NAALADL2: variants seen among roughly 807,000 people sequenced by gnomAD.
NAALADL2 encodes the protein inactive N-acetylated-alpha-linked acidic dipeptidase-like protein 2.
In NAALADL2, 76 loss-of-function variants were observed where a neutral mutation model predicts 87.2. The observed-to-expected ratio is 0.87, with a 90% CI of 0.72 to 1.05. NAALADL2 has a LOEUF of 1.05. Ranked by LOEUF, NAALADL2 falls within the 50% of genes least tolerant of loss-of-function variation. The pLI, the probability that NAALADL2 is intolerant of heterozygous loss-of-function variation, is 0.00. For synonymous variants in NAALADL2, 354 were observed against 331.0 expected, an observed-to-expected ratio of 1.07 and a Z score of -0.75; for missense variants, 1,089 against 945.8, an observed-to-expected ratio of 1.15 and a Z score of -1.99.
intron 2 of NAALADL2, among the ~76,000 whole-genome samples, chr3:174,639,705 C>T (rs1030213568): frequency 2.6e-5 from 4 of 152,040 alleles, no homozygotes; most frequent in Admixed American, 6.6e-5. Flanking sequence ...CATGTACCTC[C>T]GAAAAGAATT....
intron 4 of NAALADL2, among the ~76,000 whole-genome samples, chr3:175,263,496 A>C (rs1430864298): frequency 6.6e-6 from 1 of 151,916 alleles, no homozygotes; most frequent in Non-Finnish European, 1.5e-5. Context: ...TGCCTACATG[A>C]AAATATAATT....
At chr3:175,076,237 G>A (rs1244090650) in intron 1 of NAALADL2, among the ~76,000 whole-genome samples, 1 of 151,304 alleles carries the variant, frequency 6.6e-6, no homozygotes, top group African/African-American at 2.4e-5. Context: ...TCAAAACAAT[G>A]AAAATGAAAA....
intron 1 of NAALADL2, among the ~76,000 whole-genome samples, chr3:174,955,882 A>C (rs1045066640): frequency 1.3e-5 from 2 of 152,026 alleles, no homozygotes; most frequent in African/African-American, 4.8e-5. Context: ...CCCAGATGAC[A>C]CTAGTGATAC....
rs756841159 is a variant in NAALADL2 at position 175,097,149 on chromosome 3, T to G, written c.403T>G (p.Leu135Val). ...VLKILCTATI[L>V]FIFGILIGYY... ...AAAAATACTTTGCACAGCCACCATTTTATTTATTTTTGGGATTTTGATAGG... is the reference window on the plus strand; with the variant it reads ...AAAAATACTTTGCACAGCCACCATTGTATTTATTTTTGGGATTTTGATAGG... The change falls in exon 2 of 14, where the codon TTA becomes GTA. Residue 135 changes from leucine (L) to valine (V), a missense_variant. Physicochemically the swap from Leu to Val is conservative, Grantham distance 32. Coordinates refer to ENST00000454872, the MANE Select transcript of NAALADL2 (RefSeq NM_207015.3). 22 of 1,613,672 alleles carry G rather than the reference T, an allele frequency of 1.4e-5. No individual in the cohort carries two copies. Among genetic ancestry groups the G allele is most frequent in the Non-Finnish European group, 1.9e-5 (22 of 1,179,730 alleles).
At chr3:174,676,224 T>C (rs1727019853) in intron 2 of NAALADL2, among the ~76,000 whole-genome samples, 2 of 152,030 alleles carry the variant, frequency 1.3e-5, no homozygotes, top group Non-Finnish European at 2.9e-5. Flanking sequence ...CTAAATGAAA[T>C]CTTCGATGAT....
intron 4 of NAALADL2, among the ~76,000 whole-genome samples, chr3:175,304,956 T>C (rs143606840): frequency 6.6e-6 from 1 of 152,304 alleles, no homozygotes; most frequent in East Asian, 1.9e-4. Flanking sequence ...ATGTAAACTA[T>C]ACGTGAACTA....
intron 9 of NAALADL2, among the ~76,000 whole-genome samples, chr3:175,553,898 A>G (rs1234746251): frequency 6.6e-6 from 1 of 152,126 alleles, no homozygotes; most frequent in East Asian, 1.9e-4. Context: ...AGGGGCTTTT[A>G]TGGAGTATGC....
intron 1 of NAALADL2, among the ~76,000 whole-genome samples, chr3:175,068,619 G>C (rs1313984097): frequency 6.6e-6 from 1 of 152,078 alleles, no homozygotes; most frequent in African/African-American, 2.4e-5. Flanking sequence ...CTTAGGTCTT[G>C]CTATCAAGTT....
intron 3 of NAALADL2, among the ~76,000 whole-genome samples, chr3:174,807,126 T>A (rs1515617): frequency 0.19 from 28,227 of 152,112 alleles, 2,880 homozygotes; most frequent in East Asian, 0.35. Context: ...GATTTGAAAT[T>A]TTATTAGCTC....
chr3:175,522,037 T>C (rs1170946359), intron 9 of NAALADL2, among the ~76,000 whole-genome samples: 1 of 152,172 alleles, frequency 6.6e-6, no homozygotes, highest in East Asian at 1.9e-4. Context: ...GTCTTTCCCA[T>C]ATTATTTTCC....
chr3:174,893,338 G>C (rs1579398619), intron 1 of NAALADL2, among the ~76,000 whole-genome samples: 1 of 149,776 alleles, frequency 6.7e-6, no homozygotes, highest in Non-Finnish European at 1.5e-5. Flanking sequence ...TTATTATTGA[G>C]CAATAAATAA....
At chr3:175,775,742 T>C (rs1170185071) in intron 13 of NAALADL2, among the ~76,000 whole-genome samples, 3 of 152,114 alleles carry the variant, frequency 2.0e-5, no homozygotes, top group African/African-American at 7.2e-5. Flanking sequence ...CTAACCCCAA[T>C]GTGTTATCAT....
chr3:174,753,670 G>A lies in NAALADL2; in HGVS notation c.-9+15924G>A, dbSNP rs535193421. Among the ~76,000 whole-genome samples the A allele has an allele frequency of 5.9e-5, 9 of 152,300 alleles. 1 individual carries two copies. Among genetic ancestry groups the A allele is most frequent in the Non-Finnish European group, 1.0e-4 (7 of 68,024 alleles). On this transcript the variant is annotated intron_variant, in intron 3 of 3. Transcript: ENST00000434257. ...GCAGAATTGAATAGTATGTGTGAGA[G>A]AAAGCTTAGAGCTTAGTACGCCTCC...
rs994915574 is a variant in NAALADL2, at chr3:174,972,948, A to C, written c.43+113498A>C. On this transcript the variant is annotated intron_variant, in intron 1 of 13. Transcript: ENST00000454872. The stretch of plus-strand genomic sequence containing the variant: ...GAGGCGGAGGTTGTGGTGAGCTGAG[A>C]TCGTGCCATTGCACTCCAGCTTGGG... Among the ~76,000 whole-genome samples, 20 of 150,234 alleles carry C rather than the reference A, an allele frequency of 1.3e-4. No individual in the cohort carries two copies. In the Middle Eastern group the frequency reaches 0.011, roughly 80 times the overall value.
At chr3:174,896,005 AAAAAT>A (rs1731480968) in intron 1 of NAALADL2, among the ~76,000 whole-genome samples, 1 of 152,146 alleles carries the variant, frequency 6.6e-6, no homozygotes, top group Non-Finnish European at 1.5e-5. Context: ...CATGATAAAA[AAAAAT>A]CTTAAAAAAC....
chr3:174,612,793 G>T (rs1487842623), intron 2 of NAALADL2, among the ~76,000 whole-genome samples: 1 of 151,960 alleles, frequency 6.6e-6, no homozygotes, highest in Admixed American at 6.6e-5. Context: ...CTTGATCCCT[G>T]GTACCTTATG....
chr3:174,748,020 G>A (rs473285), intron 3 of NAALADL2, among the ~76,000 whole-genome samples: 42,369 of 151,942 alleles, frequency 0.28, 6,810 homozygotes, highest in Non-Finnish European at 0.36. Flanking sequence ...AAGGACGTGG[G>A]TGGAGCTGGA....
At chr3:175,256,582 T>C (rs1749984433) in intron 4 of NAALADL2, 52 bp downstream of exon 4, 1 of 1,576,190 alleles carries the variant, frequency 6.3e-7, no homozygotes, top group Admixed American at 1.8e-5. Context: ...TGCCTTGTTT[T>C]GTTGGAATTA....
At chr3:174,599,977 A>T (rs1718280507) in intron 2 of NAALADL2, among the ~76,000 whole-genome samples, 1 of 152,144 alleles carries the variant, frequency 6.6e-6, no homozygotes, top group South Asian at 2.1e-4. Context: ...TAGACTTGAT[A>T]GAAATTTTAA....
Sources: allele counts gnomAD v4.1 joint callset (sites outside exome capture counted in the v4.1 genomes callset), GRCh38; gene constraint gnomAD v4.1.1; transcripts MANE v1.5; gene names NCBI Gene and HGNC (gene_info 2026-07-23, HGNC 2026-07-21).